The following ME3 variants were observed in gnomAD, a reference collection of about 807,000 sequenced individuals.
The protein encoded by ME3 is NADP-dependent malic enzyme, mitochondrial.
Under a neutral mutation model 68.9 loss-of-function variants are expected in ME3, and 48 were observed. The observed-to-expected ratio is 0.70, with a 90% CI of 0.55 to 0.89. ME3 has a LOEUF of 0.89. Among genes scored for constraint, ME3 ranks in the 40% least tolerant of loss-of-function variants. The pLI is 0.00. For synonymous variants in ME3, 320 were observed against 318.8 expected (o/e 1.00, Z -0.04); for missense variants, 675 against 797.4 (o/e 0.85, Z 1.85).
At chr11:86,525,231 GACAAT>G (rs1954645179) in intron 4 of ME3, among the ~76,000 whole-genome samples, 2 of 152,134 alleles carry the variant, frequency 1.3e-5, no homozygotes, top group Admixed American at 6.5e-5. Flanking sequence ...ATAGAGCAGT[GACAAT>G]TAAAGATAAT....
intron 7 of ME3, among the ~76,000 whole-genome samples, chr11:86,479,326 T>A (rs991189446): frequency 1.3e-5 from 2 of 152,192 alleles, no homozygotes; most frequent in African/African-American, 2.4e-5. Context: ...CACCATATCA[T>A]GGGATTTCTT....
chr11:86,595,012 A>AT (rs1470842272), intron 2 of ME3, among the ~76,000 whole-genome samples: 1 of 145,370 alleles, frequency 6.9e-6, no homozygotes, highest in East Asian at 2.4e-4. Flanking sequence ...TCAGATTCAA[A>AT]TGAGGCTCTT....
At chr11:86,637,283 C>T (rs557505417) in intron 2 of ME3, among the ~76,000 whole-genome samples, 9 of 148,908 alleles carry the variant, frequency 6.0e-5, no homozygotes, top group Non-Finnish European at 1.5e-5. Flanking sequence ...AGAACAATCA[C>T]GGTCCTTGGG....
intron 4 of ME3, among the ~76,000 whole-genome samples, chr11:86,520,378 G>A (rs1038861180): frequency 6.6e-6 from 1 of 152,196 alleles, no homozygotes; most frequent in East Asian, 1.9e-4. Context: ...CTGAGTACAT[G>A]GAAAACAAGT....
intron 2 of ME3, among the ~76,000 whole-genome samples, chr11:86,567,851 G>C (rs1372521686): frequency 6.6e-6 from 1 of 152,234 alleles, no homozygotes; most frequent in African/African-American, 2.4e-5. Context: ...GCTTAAGGGG[G>C]AAGTGTGAGA....
chr11:86,583,728 TAAAG>T (rs952720444), intron 2 of ME3, among the ~76,000 whole-genome samples: 1 of 152,138 alleles, frequency 6.6e-6, no homozygotes, highest in Non-Finnish European at 1.5e-5. Context: ...GACAGATAAA[TAAAG>T]AGTTAATTGT....
At chr11:86,488,931 A>G (rs1594152999) in intron 6 of ME3, among the ~76,000 whole-genome samples, 1 of 152,182 alleles carries the variant, frequency 6.6e-6, no homozygotes, top group Non-Finnish European at 1.5e-5. Context: ...GGATTGTGTC[A>G]TGGAGAAAAT....
chr11:86,465,181 T>G (rs1565815082), exon 8 of ME3: 1 of 1,613,628 alleles, frequency 6.2e-7, no homozygotes, highest in Non-Finnish European at 8.5e-7. Flanking sequence ...TCAAATTGGA[T>G]GAGGCAATTT....
chr11:86,454,437 G>T (rs1453373412), intron 8 of ME3, among the ~76,000 whole-genome samples: 1 of 152,246 alleles, frequency 6.6e-6, no homozygotes, highest in Non-Finnish European at 1.5e-5. Flanking sequence ...AAAGTAGCCA[G>T]TGTAGACACA....
At chr11:86,506,214 A>C (rs567432953) in intron 5 of ME3, among the ~76,000 whole-genome samples, 1 of 151,956 alleles carries the variant, frequency 6.6e-6, no homozygotes, top group Non-Finnish European at 1.5e-5. Context: ...CTGGAGTCCT[A>C]CCTCTTCCAG....
chr11:86,583,019 A>G (rs1174722014), intron 2 of ME3, among the ~76,000 whole-genome samples: 3 of 152,126 alleles, frequency 2.0e-5, no homozygotes, highest in Non-Finnish European at 4.4e-5. Context: ...TTTATAGGGA[A>G]CAAATTTCCG....
At chr11:86,533,622 C>G (rs1371338950) in intron 4 of ME3, among the ~76,000 whole-genome samples, 1 of 152,142 alleles carries the variant, frequency 6.6e-6, no homozygotes, top group East Asian at 1.9e-4. Context: ...GGAGGAAATA[C>G]TTCCAAACTC....
intron 2 of ME3, among the ~76,000 whole-genome samples, chr11:86,603,516 C>A (rs1264882697): frequency 6.6e-6 from 1 of 152,186 alleles, no homozygotes; most frequent in Non-Finnish European, 1.5e-5. Flanking sequence ...ACTAGTTCAA[C>A]CCCTGTGGAA....
intron 6 of ME3, among the ~76,000 whole-genome samples, chr11:86,495,298 C>T (rs374361296): frequency 1.5e-3 from 222 of 152,318 alleles, no homozygotes; most frequent in African/African-American, 4.7e-3. Context: ...GCCTGATCCA[C>T]AATTACTGCT....
intron 2 of ME3, among the ~76,000 whole-genome samples, chr11:86,592,550 C>T (rs1485057374): frequency 3.3e-5 from 5 of 152,126 alleles, no homozygotes; most frequent in African/African-American, 1.2e-4. Flanking sequence ...ATTAGGTAAA[C>T]ATAGAGACAG....
intron 7 of ME3, among the ~76,000 whole-genome samples, chr11:86,473,635 A>G (rs574774624): frequency 6.6e-6 from 1 of 152,312 alleles, no homozygotes; most frequent in East Asian, 1.9e-4. Context: ...GTCAGATGTC[A>G]TAGGACAGAT....
intron 2 of ME3, among the ~76,000 whole-genome samples, chr11:86,564,665 T>C (rs1482954099): frequency 2.0e-5 from 3 of 152,096 alleles, no homozygotes; most frequent in Admixed American, 2.0e-4. Context: ...AAGAATAAAA[T>C]TGGACCCCTA....
At chr11:86,527,604 G>A (rs527739069) in intron 4 of ME3, among the ~76,000 whole-genome samples, 107 of 152,304 alleles carry the variant, frequency 7.0e-4, no homozygotes, top group Non-Finnish European at 1.4e-3. Context: ...GGCAGCCAGA[G>A]AGAAAGGTTG....
chr11:86,580,967 A>G (rs1958410329), intron 2 of ME3, among the ~76,000 whole-genome samples: 1 of 152,192 alleles, frequency 6.6e-6, no homozygotes, highest in South Asian at 2.1e-4. Flanking sequence ...TCTAGAGGAA[A>G]AGGGGGAAGC....
Sources: gnomAD v4.1 joint callset for allele counts (sites outside exome capture counted in the v4.1 genomes callset) on GRCh38, gnomAD v4.1.1 for gene constraint, MANE v1.5 for transcripts, NCBI Gene and HGNC (gene_info 2026-07-23, HGNC 2026-07-21) for gene names.